The following FURIN variants were observed in gnomAD, a reference collection of about 807,000 sequenced individuals.
The protein encoded by FURIN is FES upstream region.
FURIN carries 18 observed loss-of-function variants against 89.2 expected under a neutral mutation model. The ratio of observed to expected loss-of-function variants is 0.20; its 90% CI spans 0.14 to 0.30. The LOEUF is 0.30. FURIN is among the 10% of genes least tolerant of loss of function. The pLI is 1.00. For missense variants in FURIN, 879 were observed against 1,100.5 expected (o/e 0.80, Z 2.85); for synonymous variants, 508 against 466.4 (o/e 1.09, Z -1.15).
rs753022856 is a variant in FURIN, at chr15:90,879,649, CCT to C, written c.1155-18_1155-17del. The C allele has an allele frequency of 6.3e-7, 1 of 1,599,908 alleles. No homozygotes were observed. Among genetic ancestry groups the C allele is most frequent in the Non-Finnish European group, 8.6e-7 (1 of 1,167,936 alleles). Reference sequence around the variant, plus strand: ...GCTCCCAAAAAAGACTGATCCCCAGCCTCTCCCTTCCTTCTTTGCAGTAAGAA... The same window carrying C: ...GCTCCCAAAAAAGACTGATCCCCAGCCTCCCTTCCTTCTTTGCAGTAAGAA... On this transcript the variant is annotated intron_variant, in intron 10 of 15. Transcript: ENST00000268171.
At chr15:90,871,101 G>A (rs1400721335) in intron 1 of FURIN, among the ~76,000 whole-genome samples, 3 of 152,194 alleles carry the variant, frequency 2.0e-5, no homozygotes, top group East Asian at 3.9e-4. Context: ...GTCCTCCCTC[G>A]ACCTGGGAGT....
chr15:90,877,506 C>CT (rs1567083373), intron 6 of FURIN, 21 bp from the exon 7 acceptor site: 2 of 1,548,246 alleles, frequency 1.3e-6, no homozygotes, highest in Admixed American at 3.9e-5. Flanking sequence ...TCTACTCATG[C>CT]TACGTGCTTG....
In FURIN at chr15:90,871,364, G is replaced by A. The variant is rs866906464; in HGVS notation, c.-160+2653G>A. On this transcript the variant is annotated intron_variant, in intron 1 of 15. Transcript: ENST00000268171. ...CACGGCAGCGGGGCCTGAGGGACGC[G>A]CCGGGCGGCCGCGAGGACTTTGGGA... is the stretch of plus-strand genomic sequence containing the variant. Among the ~76,000 whole-genome samples the A allele has an allele frequency of 9.2e-5, 14 of 151,904 alleles. No individual in the cohort carries two copies. The South Asian group carries it at 1.0e-3, about 11-fold the overall frequency.
chr15:90,881,373 A>G lies in FURIN; in HGVS notation c.1880A>G (p.Tyr627Cys). The change falls in exon 16 of 16, where the codon TAT becomes TGT. Residue 627 changes from tyrosine to cysteine, a missense_variant. By Grantham distance (194) the Tyr-to-Cys change is radical. This residue lies in a region of FURIN where 457 missense variants were observed against 490.7 expected (regional missense o/e 0.93). Transcript: ENST00000268171. The surrounding 1 kb of genome is among the most constrained non-coding windows in gnomAD (Gnocchi z 4.3). ...GFAPQVLDTH[Y>C]STENDVETIR... is the part of the protein sequence containing the mutation. ...GCCCCCCAAGTCCTCGATACGCACT[A>G]TAGCACCGAGAATGACGTGGAGACC... 3 of 1,612,802 alleles carry G rather than the reference A, an allele frequency of 1.9e-6. No homozygotes were observed. The highest frequency in any genetic ancestry group is 1.1e-5 in the South Asian group (1 of 91,070).
chr15:90,879,542 C>T lies in FURIN; in HGVS notation c.1152C>T (p.Ala384=). ...AAGIIALTLE[A]NKNLTWRDMQ... is the part of the protein sequence containing the mutation. The stretch of plus-strand genomic sequence containing the variant: ...GCATCATTGCTCTCACCCTGGAGGC[C>T]AAGTAAGTGGGTGGGGGCCAGCGGC... Residue 384 remains alanine (A), a splice_region_variant and synonymous_variant, in exon 10 of 16, where the codon GCC becomes GCT. Coordinates refer to ENST00000268171, the MANE Select transcript of FURIN (RefSeq NM_002569.4). 7.5e-6 allele frequency: 12 copies of T among 1,607,082 alleles called. No individual in the cohort carries two copies. The highest frequency in any genetic ancestry group is 1.0e-5 in the Non-Finnish European group (12 of 1,173,878).
rs776465701 is a variant in FURIN at position 90,879,722 on chromosome 15, G to A, written c.1206G>A (p.Lys402=). The change falls in exon 11 of 16, where the codon AAG becomes AAA. Residue 402 remains lysine, a synonymous_variant. Transcript: ENST00000268171. ...DMQHLVVQTS[K]PAHLNANDWA... is the part of the protein sequence containing the mutation. ...AACACCTGGTGGTACAGACCTCGAAGCCAGCCCACCTCAATGCCAACGACT... is the reference window on the plus strand; with the variant it reads ...AACACCTGGTGGTACAGACCTCGAAACCAGCCCACCTCAATGCCAACGACT... 3.1e-6 allele frequency: 5 copies of A among 1,613,832 alleles called. No individual in the cohort carries two copies. The highest frequency in any genetic ancestry group is 4.2e-6 in the Non-Finnish European group (5 of 1,180,020).
Position 90,876,555 on chromosome 15 carries a change from C to A in FURIN, c.370C>A (p.Leu124Met), listed in dbSNP as rs779097940. ...CCCCAAGTTTCCTCAGCAGTGGTAC[C>A]TGGTACGTGGCCTTCTTCGCTGCTG... ...TDPKFPQQWY[L>M]SGVTQRDLNV... The change falls in exon 4 of 16, where the codon CTG becomes ATG. Residue 124 changes from leucine to methionine, a missense_variant and splice_region_variant. This residue lies in a region of FURIN where 139 missense variants were observed against 215.0 expected (regional missense o/e 0.65). Transcript: ENST00000268171. This position sits in a 1 kb window ranked among gnomAD's most constrained non-coding sequence, Gnocchi z 5.0. The A allele has an allele frequency of 1.1e-5, 18 of 1,603,488 alleles. No homozygotes were observed. In the East Asian group the frequency reaches 3.8e-4, roughly 34 times the overall value.
chr15:90,880,043 C>T (rs1307554273), intron 12 of FURIN, 51 bp from the exon 13 acceptor site: 2 of 1,602,960 alleles, frequency 1.2e-6, no homozygotes, highest in Non-Finnish European at 1.7e-6. Flanking sequence ...GCAGGGGGTG[C>T]CCGCTGGTCC....
chr15:90,871,574 C>T (rs2031299760), intron 1 of FURIN: 2 of 1,802 alleles, frequency 1.1e-3, no homozygotes, highest in South Asian at 0.2. Context: ...CGGCGGTCGC[C>T]TGGAAAAGTT....
chr15:90,878,164 G>A lies in FURIN; in HGVS notation c.700G>A (p.Ala234Thr). Residue 234 changes from alanine (A) to threonine (T), a missense_variant, in exon 8 of 16, where the codon GCA becomes ACA. By Grantham distance (58) the Ala-to-Thr change is moderately conservative. Around this residue, in one of 5 missense-constraint regions of FURIN, gnomAD observed 139 missense variants for 215.0 expected, o/e 0.65. Transcript: ENST00000268171. ...CATGCTGGATGGCGAGGTGACAGATGCAGTGGAGGCACGCTCGCTGGGCCT... is the reference window on the plus strand; with the variant it reads ...CATGCTGGATGGCGAGGTGACAGATACAGTGGAGGCACGCTCGCTGGGCCT... ...VRMLDGEVTD[A>T]VEARSLGLNP... The A allele has an allele frequency of 1.9e-6, 3 of 1,613,922 alleles. No homozygotes were observed. The highest frequency in any genetic ancestry group is 2.5e-6 in the Non-Finnish European group (3 of 1,180,014).
intron 1 of FURIN, among the ~76,000 whole-genome samples, chr15:90,870,898 TAAG>T (rs2031252580): frequency 6.6e-6 from 1 of 152,028 alleles, no homozygotes; most frequent in African/African-American, 2.4e-5. Flanking sequence ...ATCATGTACA[TAAG>T]AAGGAGATAA....
In FURIN at chr15:90,876,661, G is replaced by A. The variant is rs531033663; in HGVS notation, c.372+104G>A. 6.4e-5 allele frequency: 56 copies of A among 877,162 alleles called. No individual in the cohort carries two copies. The highest frequency in any genetic ancestry group is 2.0e-5 in the Admixed American group (1 of 49,744). The allele number at this position is 877,162 out of a possible 1,614,324, so 54.3% of individuals were successfully genotyped here. ...CTGTCTTCGAGGCCTCCTCTGATTCGTTTCCTTTCCTCCTGCTGGGCAGTC... is the reference window on the plus strand; with the variant it reads ...CTGTCTTCGAGGCCTCCTCTGATTCATTTCCTTTCCTCCTGCTGGGCAGTC... On this transcript the variant is annotated intron_variant, in intron 4 of 15. Coordinates refer to ENST00000268171, the MANE Select transcript of FURIN (RefSeq NM_002569.4). The surrounding 1 kb of genome is among the most constrained non-coding windows in gnomAD (Gnocchi z 5.0).
rs1468684198 is a variant in FURIN at position 90,879,896 on chromosome 15, G to A, written c.1288G>A (p.Asp430Asn). Reference protein sequence around the residue: ...VSHSYGYGLLDAGAMVALAQN... With the variant: ...VSHSYGYGLLNAGAMVALAQN... ...CCACTCATATGGCTACGGGCTTTTG[G>A]ACGCAGGCGCCATGGTGGCCCTGGC... Residue 430 changes from aspartate (D) to asparagine (N), a missense_variant, in exon 12 of 16, where the codon GAC becomes AAC. Coordinates refer to ENST00000268171, the MANE Select transcript of FURIN (RefSeq NM_002569.4). 1.9e-6 allele frequency: 3 copies of A among 1,613,524 alleles called. No homozygotes were observed. Among genetic ancestry groups the A allele is most frequent in the East Asian group, 2.2e-5 (1 of 44,874 alleles).
At chr15:90,873,978 T>C (rs1220004451) in intron 1 of FURIN, among the ~76,000 whole-genome samples, 3 of 152,174 alleles carry the variant, frequency 2.0e-5, no homozygotes, top group African/African-American at 4.8e-5. Flanking sequence ...TGAGCCTGCC[T>C]CTCTAGCTCC....
At position 90,876,415 on chromosome 15, in the gene FURIN, C is replaced by T. The variant is rs756997094; in HGVS notation, c.277-47C>T. ...CCCCCTCCTGCTCTCAGGAGCCCCT[C>T]TCGCCTCCTGCTCCACCCACACCAT... On this transcript the variant is annotated intron_variant, in intron 3 of 15. Transcript: ENST00000268171. This position sits in a 1 kb window ranked among gnomAD's most constrained non-coding sequence, Gnocchi z 5.0. 1 of 1,528,660 alleles carries T rather than the reference C, an allele frequency of 6.5e-7. No individual in the cohort carries two copies. Among genetic ancestry groups the T allele is most frequent in the Non-Finnish European group, 9.1e-7 (1 of 1,102,132 alleles). The allele number at this position is 1,528,660 out of a possible 1,614,324, so 94.7% of individuals were successfully genotyped here.
intron 7 of FURIN, 80 bp from the exon 8 acceptor site, chr15:90,878,052 C>A: frequency 7.2e-7 from 1 of 1,388,138 alleles, no homozygotes; most frequent in Non-Finnish European, 1.0e-6. Flanking sequence ...GGGTGCAGGG[C>A]TGGGTGTGCT....
intron 9 of FURIN, among the ~76,000 whole-genome samples, 187 bp downstream of exon 9, chr15:90,879,163 T>A (rs1411631489): frequency 1.3e-5 from 2 of 152,184 alleles, no homozygotes; most frequent in African/African-American, 4.8e-5. Context: ...CTGAAGACTT[T>A]GAAAAGCCTA....
chr15:90,874,826 G>GT (rs1272416888), intron 1 of FURIN, among the ~76,000 whole-genome samples: 14 of 152,102 alleles, frequency 9.2e-5, no homozygotes, highest in African/African-American at 3.4e-4. Context: ...ATTTTTTAGC[G>GT]TGTGTATCCT....
chr15:90,880,131 A>T lies in FURIN; in HGVS notation c.1414A>T (p.Thr472Ser). 6.2e-7 allele frequency: 1 copy of T among 1,609,226 alleles called. No individual in the cohort carries two copies. Among genetic ancestry groups the T allele is most frequent in the Non-Finnish European group, 8.5e-7 (1 of 1,177,214 alleles). ...ACGGCTCGAGGTGCGGAAGACCGTG[A>T]CCGCGTGCCTGGGCGAGCCCAACCA... ...GKRLEVRKTVTACLGEPNHIT... is the reference protein window; with the variant it reads ...GKRLEVRKTVSACLGEPNHIT... The change falls in exon 13 of 16, where the codon ACC (threonine) becomes TCC (serine). Residue 472 changes from threonine (T) to serine (S), a missense_variant. By Grantham distance (58) the Thr-to-Ser change is moderately conservative. Transcript: ENST00000268171.
Sources: allele counts gnomAD v4.1 joint callset (sites outside exome capture counted in the v4.1 genomes callset), GRCh38; gene constraint gnomAD v4.1.1; regional missense constraint gnomAD v4.1.1; non-coding constraint Gnocchi (gnomAD v3.1); transcripts MANE v1.5; gene names NCBI Gene and HGNC (gene_info 2026-07-23, HGNC 2026-07-21).